Variants in CDH23 observed in about 807,000 individuals in gnomAD.
The protein encoded by CDH23 is cadherin-23.
CDH23 carries 189 observed loss-of-function variants against 317.1 expected under a neutral mutation model. The ratio of observed to expected loss-of-function variants is 0.60; its 90% CI spans 0.53 to 0.67. The LOEUF (loss-of-function observed/expected upper bound fraction) is 0.67, where lower values mean the gene tolerates loss of function less well. CDH23 is among the 30% of genes least tolerant of loss of function. The pLI is 0.00. For synonymous variants in CDH23, 1,839 were observed against 1,876.8 expected, an observed-to-expected ratio of 0.98 and a Z score of 0.52; for missense variants, 4,401 against 4,592.4, an observed-to-expected ratio of 0.96 and a Z score of 1.20.
chr10:71,577,958 A>T lies in CDH23; in HGVS notation c.798A>T (p.Gly266=), dbSNP rs1858334027. The change falls in exon 9 of 70, where the codon GGA becomes GGT. Residue 266 remains glycine, a synonymous_variant. Coordinates refer to ENST00000224721, the MANE Select transcript of CDH23 (RefSeq NM_022124.6). ...RIITAIDQDK[G]RPRGIGYTIV... ...TCACCGCCATAGACCAGGATAAAGGACGTCCCCGGGGCATTGGCTACACCA... is the reference window on the plus strand; with the variant it reads ...TCACCGCCATAGACCAGGATAAAGGTCGTCCCCGGGGCATTGGCTACACCA... The T allele has an allele frequency of 1.2e-6, 2 of 1,605,388 alleles. No individual in the cohort carries two copies. The highest frequency in any genetic ancestry group is 1.7e-5 in the Admixed American group (1 of 58,960).
At chr10:71,680,820 T>C (rs1457917446) in intron 17 of CDH23, among the ~76,000 whole-genome samples, 5 of 114,790 alleles carry the variant, frequency 4.4e-5, no homozygotes, top group African/African-American at 1.4e-4. Flanking sequence ...CTTTTTTTTT[T>C]TTCTTTTTCT....
intron 6 of CDH23, 34 bp from the exon 7 acceptor site, chr10:71,566,708 C>G: frequency 6.5e-7 from 1 of 1,549,464 alleles, no homozygotes; most frequent in Non-Finnish European, 8.8e-7. Context: ...TCCGCACTGG[C>G]TCACCCTTGT....
At chr10:71,689,110 GGGGTGGT>G (rs1488065690) in intron 19 of CDH23, among the ~76,000 whole-genome samples, 1,755 of 132,698 alleles carry the variant, frequency 0.013, 16 homozygotes, top group Non-Finnish European at 0.018. Flanking sequence ...GGTGGAGTCA[GGGGTGGT>G]GGAGCCAGGG....
intron 6 of CDH23, among the ~76,000 whole-genome samples, chr10:71,527,087 C>A (rs1179794253): frequency 6.6e-6 from 1 of 152,234 alleles, no homozygotes; most frequent in Non-Finnish European, 1.5e-5. Context: ...CCCACCACCC[C>A]TCTCTCCAGC....
intron 55 of CDH23, among the ~76,000 whole-genome samples, chr10:71,803,933 C>T (rs1474419597): frequency 6.9e-6 from 1 of 144,918 alleles, no homozygotes; most frequent in Admixed American, 7.1e-5. Context: ...TGCAGTGAGC[C>T]AAGATCACAC....
At chr10:71,547,930 G>C (rs909325155) in intron 6 of CDH23, among the ~76,000 whole-genome samples, 1 of 152,226 alleles carries the variant, frequency 6.6e-6, no homozygotes, top group Non-Finnish European at 1.5e-5. Flanking sequence ...GCCACTTGGC[G>C]TGCTTGACTC....
rs761773001 is a variant in CDH23, at chr10:71,811,495, G to C, written c.9199-16G>C. The C allele has an allele frequency of 1.9e-6, 3 of 1,613,928 alleles. No individual in the cohort carries two copies. In the East Asian group the frequency reaches 6.7e-5, roughly 36 times the overall value. On this transcript the variant is annotated splice_polypyrimidine_tract_variant and intron_variant, in intron 63 of 69. Coordinates refer to ENST00000224721, the MANE Select transcript of CDH23 (RefSeq NM_022124.6). ...CCTCCCCACTGCCCGGGCTTACCCT[G>C]GTCCTGCTCCCGCAGATGGCGATCA...
intron 38 of CDH23, chr10:71,750,952 G>A (rs1839982972): frequency 1.1e-5 from 4 of 355,698 alleles, no homozygotes; most frequent in Admixed American, 4.6e-5. Flanking sequence ...CTGAAGGGCT[G>A]GACGTTCTGA....
intron 11 of CDH23, among the ~76,000 whole-genome samples, chr10:71,625,644 TC>T (rs1861698055): frequency 6.6e-6 from 1 of 152,216 alleles, no homozygotes; most frequent in Non-Finnish European, 1.5e-5. Context: ...TCACATTTGG[TC>T]CTGTTAGGCA....
intron 28 of CDH23, among the ~76,000 whole-genome samples, chr10:71,722,507 A>G (rs909823970): frequency 6.6e-6 from 1 of 152,182 alleles, no homozygotes; most frequent in African/African-American, 2.4e-5. Context: ...AGTCGTTCAC[A>G]TATTTGACCC....
rs565260083 is a variant in CDH23 at position 71,569,257 on chromosome 10, T to A, written c.625-1533T>A. 5.9e-5 allele frequency among the ~76,000 whole-genome samples: 9 copies of A among 152,288 alleles called. No individual in the cohort carries two copies. In the East Asian group the frequency reaches 1.7e-3, roughly 29 times the overall value. On this transcript the variant is annotated intron_variant, in intron 7 of 69. Coordinates refer to ENST00000224721, the MANE Select transcript of CDH23 (RefSeq NM_022124.6). The stretch of plus-strand genomic sequence containing the variant: ...AAGGCCCTCCCACCCTCTCATTGGC[T>A]GTCCCTGAGGATTCCTAAAGACAAC...
chr10:71,399,232 C>A (rs114974685), intron 1 of CDH23, among the ~76,000 whole-genome samples: 17 of 152,206 alleles, frequency 1.1e-4, no homozygotes, highest in Non-Finnish European at 2.1e-4. Context: ...GGACATGCAG[C>A]GTCGGCATCA....
chr10:71,456,947 T>C (rs1224280123), intron 3 of CDH23, among the ~76,000 whole-genome samples: 1 of 152,204 alleles, frequency 6.6e-6, no homozygotes, highest in Non-Finnish European at 1.5e-5. Flanking sequence ...GGATTCTGTA[T>C]GTAGGTCTTT....
At chr10:71,491,817 T>C (rs973384576) in intron 3 of CDH23, among the ~76,000 whole-genome samples, 4 of 152,172 alleles carry the variant, frequency 2.6e-5, no homozygotes, top group Non-Finnish European at 5.9e-5. Flanking sequence ...CGCCTGCCTC[T>C]TTGAGCAATT....
intron 36 of CDH23, among the ~76,000 whole-genome samples, chr10:71,740,130 C>G (rs1839693406): frequency 6.6e-6 from 1 of 152,204 alleles, no homozygotes; most frequent in African/African-American, 2.4e-5. Context: ...TCATTTTCCC[C>G]ACCTATGCAA....
Position 71,509,987 on chromosome 10 carries a change from A to G in CDH23, c.146-95A>G, listed in dbSNP as rs573141952. 436 of 1,434,472 alleles carry G rather than the reference A, an allele frequency of 3.0e-4. 7 individuals are homozygous for G. The South Asian group carries it at 4.7e-3, about 16-fold the overall frequency. 88.9% of individuals were successfully genotyped at this position (1,434,472 alleles called of 1,614,324 possible). ...CCTGCTGGAGGATTGCTGAATGGCC[A>G]CTCCCTGCTGAGAGTTCAGCCACCT... is the stretch of plus-strand genomic sequence containing the variant. On this transcript the variant is annotated intron_variant, in intron 3 of 69. Coordinates refer to ENST00000224721, the MANE Select transcript of CDH23 (RefSeq NM_022124.6).
chr10:71,761,881 C>G (rs141749370), intron 38 of CDH23: 17 of 1,614,090 alleles, frequency 1.1e-5, no homozygotes, highest in Non-Finnish European at 1.4e-5. Flanking sequence ...CCTCGCCCCT[C>G]GAGCTGCGGT....
intron 43 of CDH23, among the ~76,000 whole-genome samples, 171 bp from the exon 44 acceptor site, chr10:71,785,460 G>A (rs540097064): frequency 9.7e-4 from 148 of 152,344 alleles, no homozygotes; most frequent in African/African-American, 3.3e-3. Context: ...CAAGGCCTGG[G>A]CATGAGTGGG....
At chr10:71,633,093 ATAACCCATTAATCCAT>A (rs1459050967) in intron 11 of CDH23, among the ~76,000 whole-genome samples, 28 of 152,032 alleles carry the variant, frequency 1.8e-4, no homozygotes, top group South Asian at 4.2e-4. Flanking sequence ...CCCTCCCAGG[ATAACCCATTAATCCAT>A]TAACCCATTA....
Sources: allele counts gnomAD v4.1 joint callset (sites outside exome capture counted in the v4.1 genomes callset), GRCh38; gene constraint gnomAD v4.1.1; transcripts MANE v1.5; gene names NCBI Gene and HGNC (gene_info 2026-07-23, HGNC 2026-07-21).